Variants in MRTFA observed in about 807,000 individuals in gnomAD.
MRTFA encodes myocardin related transcription factor A.
In MRTFA, 20 loss-of-function variants were observed where a neutral mutation model predicts 83.5. The ratio of observed to expected loss-of-function variants is 0.24; its 90% CI spans 0.17 to 0.35. MRTFA has a LOEUF of 0.35. Among genes scored for constraint, MRTFA ranks in the 10% least tolerant of loss-of-function variants. The pLI is 1.00. For synonymous variants in MRTFA, 659 were observed against 541.2 expected, an observed-to-expected ratio of 1.22 and a Z score of -3.02; for missense variants, 1,200 against 1,224.7, an observed-to-expected ratio of 0.98 and a Z score of 0.30.
intron 4 of MRTFA, among the ~76,000 whole-genome samples, chr22:40,457,123 G>C (rs772688576): frequency 2.6e-5 from 4 of 152,104 alleles, no homozygotes; most frequent in Non-Finnish European, 5.9e-5. Context: ...CCAGCACTTT[G>C]GGAGGCTGAG....
chr22:40,442,513 C>T (rs1043692189), intron 4 of MRTFA, among the ~76,000 whole-genome samples: 8 of 152,126 alleles, frequency 5.3e-5, no homozygotes, highest in Admixed American at 3.9e-4. Context: ...ATATTTCCAT[C>T]CATCCATCCC....
intron 2 of MRTFA, among the ~76,000 whole-genome samples, chr22:40,581,181 G>C (rs1432136119): frequency 2.0e-5 from 3 of 151,860 alleles, no homozygotes; most frequent in Non-Finnish European, 4.4e-5. Context: ...GACCTGATTT[G>C]TCCATTCTGA....
chr22:40,518,302 G>A (rs183113679), intron 3 of MRTFA, among the ~76,000 whole-genome samples: 29 of 152,164 alleles, frequency 1.9e-4, no homozygotes, highest in South Asian at 2.1e-4. Flanking sequence ...GGGAAATCTT[G>A]TGGGCCTGAG....
intron 4 of MRTFA, among the ~76,000 whole-genome samples, chr22:40,441,734 C>A (rs574272422): frequency 4.9e-4 from 75 of 151,728 alleles, no homozygotes; most frequent in African/African-American, 1.7e-3. Flanking sequence ...TTGCAGTGAG[C>A]CGAGACCGTG....
At position 40,579,808 on chromosome 22, in the gene MRTFA, C is replaced by A. The variant is rs1440413204; in HGVS notation, c.-22+14866G>T. Among the ~76,000 whole-genome samples, 4 of 149,660 alleles carry A rather than the reference C, an allele frequency of 2.7e-5. No homozygotes were observed. The Admixed American group carries it at 2.7e-4, about 10-fold the overall frequency. The stretch of plus-strand genomic sequence containing the variant: ...CTGGGAGGTGGAGGTTGCAGTGAGC[C>A]AAGACGGCGCCATTGCACTCCAGCC... On this transcript the variant is annotated intron_variant, in intron 2 of 14. Coordinates refer to ENST00000355630, the MANE Select transcript of MRTFA (RefSeq NM_020831.6).
At chr22:40,470,451 A>C (rs972082873) in intron 3 of MRTFA, among the ~76,000 whole-genome samples, 1 of 151,258 alleles carries the variant, frequency 6.6e-6, no homozygotes, top group African/African-American at 2.4e-5. Context: ...AACAGTGCTT[A>C]GAGGGAAACT....
chr22:40,426,448 G>A (rs946670145), intron 7 of MRTFA, among the ~76,000 whole-genome samples: 1 of 152,088 alleles, frequency 6.6e-6, no homozygotes, highest in Non-Finnish European at 1.5e-5. Flanking sequence ...TTGAGCAAAT[G>A]AGCTACATTT....
At chr22:40,623,041 C>T (rs1234721650) in intron 1 of MRTFA, among the ~76,000 whole-genome samples, 1 of 152,176 alleles carries the variant, frequency 6.6e-6, no homozygotes, top group Non-Finnish European at 1.5e-5. Context: ...TTTTACTAAA[C>T]TAAGGGAAAC....
intron 3 of MRTFA, among the ~76,000 whole-genome samples, chr22:40,495,112 G>A (rs1298322134): frequency 1.3e-5 from 2 of 151,876 alleles, no homozygotes; most frequent in African/African-American, 2.4e-5. Context: ...AGTAGCTCAC[G>A]CCTGTAATCC....
At position 40,418,956 on chromosome 22, in the gene MRTFA, C is replaced by A; in HGVS notation, c.1782G>T (p.Leu594=). The change falls in exon 12 of 15, where the codon CTG becomes CTT. Residue 594 remains leucine (L), a synonymous_variant. Transcript: ENST00000355630. ...GGCCCTCCTCCTTCACGAGGATCTGCAGTGGCGAGGCCTGCAGGGTCAGCT... is the reference window on the plus strand; with the variant it reads ...GGCCCTCCTCCTTCACGAGGATCTGAAGTGGCGAGGCCTGCAGGGTCAGCT... The A allele has an allele frequency of 1.9e-6, 3 of 1,612,898 alleles. No homozygotes were observed. The highest frequency in any genetic ancestry group is 2.5e-6 in the Non-Finnish European group (3 of 1,179,940).
At chr22:40,544,772 T>C (rs2147300620) in intron 3 of MRTFA, among the ~76,000 whole-genome samples, 1 of 151,890 alleles carries the variant, frequency 6.6e-6, no homozygotes, top group South Asian at 2.1e-4. Flanking sequence ...ACTCTGTCTA[T>C]ACAAAATATA....
intron 12 of MRTFA, among the ~76,000 whole-genome samples, chr22:40,417,945 C>T (rs986250406): frequency 1.3e-5 from 2 of 152,168 alleles, no homozygotes; most frequent in Non-Finnish European, 2.9e-5. Flanking sequence ...CCGCTGCTGA[C>T]ACCTTGGTGG....
At chr22:40,482,395 C>G (rs1163924242) in intron 3 of MRTFA, among the ~76,000 whole-genome samples, 1 of 152,168 alleles carries the variant, frequency 6.6e-6, no homozygotes, top group Non-Finnish European at 1.5e-5. Flanking sequence ...CATCTCCCCC[C>G]TTGAGGTGAC....
At chr22:40,598,993 C>A (rs1306058866) in intron 1 of MRTFA, among the ~76,000 whole-genome samples, 1 of 133,880 alleles carries the variant, frequency 7.5e-6, no homozygotes. Context: ...AGGGAAACTC[C>A]ATCTAAAAAA....
At chr22:40,612,188 G>A (rs2056394642) in intron 1 of MRTFA, among the ~76,000 whole-genome samples, 1 of 152,154 alleles carries the variant, frequency 6.6e-6, no homozygotes, top group Non-Finnish European at 1.5e-5. Flanking sequence ...AATACATATG[G>A]TAGATACTCA....
chr22:40,420,711 G>T, intron 10 of MRTFA, 135 bp from the exon 11 acceptor site: 1 of 1,531,502 alleles, frequency 6.5e-7, no homozygotes, highest in Non-Finnish European at 8.8e-7. Flanking sequence ...GGGTGGCCCT[G>T]CCTGCAGACC....
intron 3 of MRTFA, among the ~76,000 whole-genome samples, chr22:40,529,085 G>A (rs1436891742): frequency 6.6e-6 from 1 of 152,106 alleles, no homozygotes; most frequent in Non-Finnish European, 1.5e-5. Flanking sequence ...CTTCCTTAAA[G>A]AATTAACATA....
At chr22:40,530,686 G>C (rs1348029350) in intron 3 of MRTFA, among the ~76,000 whole-genome samples, 1 of 152,268 alleles carries the variant, frequency 6.6e-6, no homozygotes, top group Admixed American at 6.5e-5. Flanking sequence ...ACTGTGGTTT[G>C]ATTAGAACAC....
intron 1 of MRTFA, among the ~76,000 whole-genome samples, chr22:40,596,916 A>C (rs368493046): frequency 1.3e-5 from 2 of 151,530 alleles, no homozygotes; most frequent in East Asian, 3.9e-4. Flanking sequence ...TGGAGGTTGC[A>C]ATGAGCCGAG....
Sources: allele counts gnomAD v4.1 joint callset (sites outside exome capture counted in the v4.1 genomes callset), GRCh38; gene constraint gnomAD v4.1.1; transcripts MANE v1.5; gene names NCBI Gene and HGNC (gene_info 2026-07-23, HGNC 2026-07-21).